Variants in SUV39H1 observed in about 807,000 individuals in gnomAD.
SUV39H1 encodes the protein SUV39H1 histone lysine methyltransferase.
For missense variants in SUV39H1, 180 were observed against 386.3 expected, an observed-to-expected ratio of 0.47 and a Z score of 4.48; for synonymous variants, 141 against 150.5, an observed-to-expected ratio of 0.94 and a Z score of 0.46.
intron 3 of SUV39H1, among the ~76,000 whole-genome samples, chrX:48,701,617 A>C (rs1424365546): frequency 8.9e-6 from 1 of 111,744 alleles, no homozygotes; most frequent in Non-Finnish European, 1.9e-5. Flanking sequence ...CAAGAGAGGC[A>C]ACAGGATGTG....
chrX:48,701,664 C>T (rs1265096935), intron 3 of SUV39H1, among the ~76,000 whole-genome samples: 3 of 111,262 alleles, frequency 2.7e-5, no homozygotes, highest in East Asian at 2.8e-4. Flanking sequence ...GGCTAAAGCA[C>T]AGCCATAACT....
intron 3 of SUV39H1, among the ~76,000 whole-genome samples, chrX:48,702,397 C>T (rs782394173): frequency 9.9e-5 from 11 of 111,562 alleles, no homozygotes. Flanking sequence ...CAGAGGGATC[C>T]GGACAGCCTG....
At chrX:48,695,589 T>C (rs1180479364), upstream of SUV39H1, 5 of 1,081,603 alleles carry the variant, frequency 4.6e-6, no homozygotes, top group Non-Finnish European at 6.0e-6. Context: ...CACAGCATGC[T>C]GGAGGGCCTG....
At position 48,708,584 on chromosome X, in the gene SUV39H1, G is replaced by C. The variant is rs1187760314; in HGVS notation, c.*1014G>C. On this transcript the variant is annotated 3_prime_UTR_variant, in exon 6 of 6. Coordinates refer to ENST00000376687, the MANE Select transcript of SUV39H1 (RefSeq NM_003173.4). ...CCCATGTGGCAGAAGGCAAAGTACA[G>C]GCCAAGAATTGGGGGTGGGGGAGAT... The C allele has an allele frequency of 8.9e-6, 1 of 112,504 alleles. No individual in the cohort carries two copies. Among genetic ancestry groups the C allele is most frequent in the Non-Finnish European group, 1.9e-5 (1 of 53,133 alleles). The allele number at this position is 112,504 out of a possible 1,213,427, so 9.3% of individuals were successfully genotyped here. A position where few individuals can be genotyped will look rare whatever the true frequency, so the allele number is the denominator to read the frequency against.
chrX:48,706,431 G>T lies in SUV39H1; in HGVS notation c.975+20G>T. Reference sequence around the variant, plus strand: ...CACAGTGTGGGTACCCCCGGCAGGCGGGCAAGGGGTCGAGAGGGGCAGGCT... The same window carrying T: ...CACAGTGTGGGTACCCCCGGCAGGCTGGCAAGGGGTCGAGAGGGGCAGGCT... On this transcript the variant is annotated intron_variant, in intron 4 of 5. Transcript: ENST00000376687. The T allele has an allele frequency of 8.3e-7, 1 of 1,205,509 alleles. No homozygotes were observed. Among genetic ancestry groups the T allele is most frequent in the Non-Finnish European group, 1.1e-6 (1 of 891,802 alleles).
At chrX:48,701,230 G>A (rs782663499) in intron 3 of SUV39H1, among the ~76,000 whole-genome samples, 42 of 112,127 alleles carry the variant, frequency 3.7e-4, no homozygotes, top group African/African-American at 1.3e-3. Flanking sequence ...CTTGGACAAA[G>A]GTTGGCTAAC....
chrX:48,700,363 T>C lies in SUV39H1; in HGVS notation c.438T>C (p.Thr146=). The C allele has an allele frequency of 8.3e-7, 1 of 1,211,983 alleles. No individual in the cohort carries two copies. Among genetic ancestry groups the C allele is most frequent in the Non-Finnish European group, 1.1e-6 (1 of 895,550 alleles). The change falls in exon 3 of 6, where the codon ACT becomes ACC. Residue 146 remains threonine (T), a synonymous_variant. Transcript: ENST00000376687. ...NAKRSHLGRI[T]VENEVDLDGP... is the part of the protein sequence containing the mutation. ...AGCGCAGCCATCTGGGACGCATCAC[T>C]GTAGAGAATGAGGTGGACCTGGACG...
In SUV39H1 at chrX:48,707,429, C is replaced by T; in HGVS notation, c.1106-8C>T. 8.4e-7 allele frequency: 1 copy of T among 1,186,771 alleles called. No individual in the cohort carries two copies. Among genetic ancestry groups the T allele is most frequent in the Non-Finnish European group, 1.1e-6 (1 of 879,486 alleles). On this transcript the variant is annotated splice_region_variant and splice_polypyrimidine_tract_variant and intron_variant, in intron 5 of 5. Transcript: ENST00000376687. Reference sequence around the variant, plus strand: ...TCCCTCCTCTCCTCCCTGGCTGTGACTCCACAGTGGACCCCGTGGACATGG... The same window carrying T: ...TCCCTCCTCTCCTCCCTGGCTGTGATTCCACAGTGGACCCCGTGGACATGG...
chrX:48,703,394 G>A (rs1557009668), intron 3 of SUV39H1, among the ~76,000 whole-genome samples: 1 of 111,463 alleles, frequency 9.0e-6, no homozygotes, highest in East Asian at 2.8e-4. Flanking sequence ...TGCACACCAT[G>A]CTATCTACTG....
chrX:48,707,431 C>T lies in SUV39H1; in HGVS notation c.1106-6C>T, dbSNP rs1557010337. 8.6e-7 allele frequency: 1 copy of T among 1,161,346 alleles called. No homozygotes were observed. The highest frequency in any genetic ancestry group is 2.3e-5 in the Admixed American group (1 of 44,281). On this transcript the variant is annotated splice_region_variant and splice_polypyrimidine_tract_variant and intron_variant, in intron 5 of 5. Transcript: ENST00000376687. ...CCTCCTCTCCTCCCTGGCTGTGACT[C>T]CACAGTGGACCCCGTGGACATGGAG...
At chrX:48,704,889 G>A (rs1197963274) in intron 3 of SUV39H1, among the ~76,000 whole-genome samples, 1 of 111,561 alleles carries the variant, frequency 9.0e-6, no homozygotes, top group Non-Finnish European at 1.9e-5. Flanking sequence ...ATCAGACCGT[G>A]AGCCCTGCAT....
chrX:48,706,809 C>T (rs1415924452), intron 5 of SUV39H1, among the ~76,000 whole-genome samples, 182 bp downstream of exon 5: 1 of 110,790 alleles, frequency 9.0e-6, no homozygotes, highest in Non-Finnish European at 1.9e-5. Flanking sequence ...CCCTCGAGTC[C>T]CCTCATTCCC....
intron 1 of SUV39H1, among the ~76,000 whole-genome samples, 183 bp downstream of exon 1, chrX:48,696,986 A>G (rs1602183459): frequency 2.0e-5 from 2 of 97,687 alleles, no homozygotes; most frequent in African/African-American, 7.6e-5. Flanking sequence ...GGCTCAGGGG[A>G]GGGGGCGCGC....
At position 48,703,751 on chromosome X, in the gene SUV39H1, C is replaced by T. The variant is rs782234403; in HGVS notation, c.829-2514C>T. ...AACCACTCCTAACATTGCTCACTCTCCTATCAGAAACAGGAACACCTTTCA... is the reference window on the plus strand; with the variant it reads ...AACCACTCCTAACATTGCTCACTCTTCTATCAGAAACAGGAACACCTTTCA... On this transcript the variant is annotated intron_variant, in intron 3 of 5. Transcript: ENST00000376687. Among the ~76,000 whole-genome samples, 3 of 111,246 alleles carry T rather than the reference C, an allele frequency of 2.7e-5. No individual in the cohort carries two copies. In the East Asian group the frequency reaches 8.5e-4, roughly 31 times the overall value.
At chrX:48,699,121 A>G in intron 2 of SUV39H1, 74 bp downstream of exon 2, 2 of 1,068,903 alleles carry the variant, frequency 1.9e-6, no homozygotes, top group Non-Finnish European at 2.5e-6. Context: ...CTTGTCCCCA[A>G]CTGCCCACAT....
At chrX:48,705,556 A>C (rs1304777423) in intron 3 of SUV39H1, among the ~76,000 whole-genome samples, 1 of 112,384 alleles carries the variant, frequency 8.9e-6, no homozygotes, top group Non-Finnish European at 1.9e-5. Flanking sequence ...GCTGGGGAGG[A>C]GGCACCCACT....
At chrX:48,706,156 T>C in intron 3 of SUV39H1, 109 bp from the exon 4 acceptor site, 3 of 1,007,949 alleles carry the variant, frequency 3.0e-6, no homozygotes, top group Non-Finnish European at 4.0e-6. Context: ...CCCATGTGTG[T>C]CCACGGGCAG....
chrX:48,700,025 C>T, intron 2 of SUV39H1, 66 bp from the exon 3 acceptor site: 2 of 993,366 alleles, frequency 2.0e-6, no homozygotes, highest in Non-Finnish European at 1.4e-6. Context: ...GATGGAAGCC[C>T]CATGAAGGCT....
In SUV39H1 at chrX:48,700,497, C is replaced by T; in HGVS notation, c.572C>T (p.Thr191Ile). The T allele has an allele frequency of 8.2e-7, 1 of 1,212,185 alleles. No individual in the cohort carries two copies. The highest frequency in any genetic ancestry group is 1.1e-6 in the Non-Finnish European group (1 of 895,593). ...CECQDCLWAP[T>I]GGCCPGASLH... ...TGCCAGGACTGTCTGTGGGCACCCA[C>T]TGGAGGCTGCTGCCCGGGGGCGTCA... Residue 191 changes from threonine (T) to isoleucine (I), a missense_variant, in exon 3 of 6, where the codon ACT becomes ATT. Transcript: ENST00000376687.
Sources: gnomAD v4.1 joint callset for allele counts (sites outside exome capture counted in the v4.1 genomes callset) on GRCh38, gnomAD v4.1.1 for gene constraint, MANE v1.5 for transcripts, NCBI Gene and HGNC (gene_info 2026-07-23, HGNC 2026-07-21) for gene names.